The following PDZRN4 variants were observed in gnomAD, a reference collection of about 807,000 sequenced individuals.
PDZRN4 encodes the protein PDZ domain containing ring finger 4.
Under a neutral mutation model 99.0 loss-of-function variants are expected in PDZRN4, and 70 were observed. The observed-to-expected ratio is 0.71, with a 90% CI of 0.58 to 0.86. The LOEUF is 0.86. Ranked by LOEUF, PDZRN4 falls within the 40% of genes least tolerant of loss-of-function variation. PDZRN4 has a pLI of 0.00. For missense variants in PDZRN4, 1,474 were observed against 1,331.2 expected (o/e 1.11, Z -1.67); for synonymous variants, 551 against 501.6 (o/e 1.10, Z -1.32).
rs895056555 is a variant in PDZRN4 at position 41,481,257 on chromosome 12, C to CT, written c.844-25197dup. Among the ~76,000 whole-genome samples the CT allele has an allele frequency of 9.2e-5, 14 of 152,122 alleles. No individual in the cohort carries two copies. The East Asian group carries it at 1.6e-3, about 17-fold the overall frequency. On this transcript the variant is annotated intron_variant, in intron 3 of 9. Coordinates refer to ENST00000402685, the MANE Select transcript of PDZRN4 (RefSeq NM_001164595.2). ...GCTCATAGTCATCTCTGTTTTTTCT[C>CT]TTCCCAGTCTGACCACCCATAATTA...
chr12:41,380,521 A>G (rs6582335), intron 3 of PDZRN4, among the ~76,000 whole-genome samples: 84,993 of 151,162 alleles, frequency 0.56, 23,773 homozygotes, highest in Middle Eastern at 0.71. Flanking sequence ...TTTCCTTTAT[A>G]GTTAATATAT....
chr12:41,403,183 C>A (rs1306910596), intron 3 of PDZRN4, among the ~76,000 whole-genome samples: 2 of 152,090 alleles, frequency 1.3e-5, no homozygotes, highest in East Asian at 3.9e-4. Flanking sequence ...TTGTGATTCC[C>A]CCCACACATT....
intron 3 of PDZRN4, among the ~76,000 whole-genome samples, chr12:41,287,573 G>A (rs1056137185): frequency 6.6e-6 from 1 of 152,226 alleles, no homozygotes; most frequent in Admixed American, 6.5e-5. Flanking sequence ...GCAAACTGCA[G>A]AGGAAGTCAG....
At chr12:41,488,238 G>A (rs1382155543) in intron 3 of PDZRN4, among the ~76,000 whole-genome samples, 1 of 152,150 alleles carries the variant, frequency 6.6e-6, no homozygotes, top group East Asian at 1.9e-4. Flanking sequence ...ATGAAGCAGA[G>A]CATTTGTAGA....
chr12:41,217,410 C>A (rs1402387557), intron 3 of PDZRN4, among the ~76,000 whole-genome samples: 3 of 151,974 alleles, frequency 2.0e-5, no homozygotes, highest in African/African-American at 2.4e-5. Flanking sequence ...GGCTTTGCAA[C>A]CTGGTCCTGC....
At chr12:41,244,634 C>T (rs1951121626) in intron 3 of PDZRN4, among the ~76,000 whole-genome samples, 1 of 151,774 alleles carries the variant, frequency 6.6e-6, no homozygotes. Context: ...CCAGGCTTGC[C>T]CCTGGAAGGC....
chr12:41,470,930 C>A (rs975890285), intron 3 of PDZRN4, among the ~76,000 whole-genome samples: 2 of 152,112 alleles, frequency 1.3e-5, no homozygotes, highest in East Asian at 3.9e-4. Flanking sequence ...CAGCCATAGA[C>A]AATAAACAGC....
chr12:41,226,179 C>A (rs1179039977), intron 3 of PDZRN4, among the ~76,000 whole-genome samples: 1 of 151,982 alleles, frequency 6.6e-6, no homozygotes, highest in Non-Finnish European at 1.5e-5. Flanking sequence ...CTTTCCCTGG[C>A]CCATTTGCTC....
intron 3 of PDZRN4, among the ~76,000 whole-genome samples, chr12:41,379,100 T>G (rs1197072177): frequency 6.6e-6 from 1 of 152,080 alleles, no homozygotes; most frequent in Non-Finnish European, 1.5e-5. Flanking sequence ...AGGTTATATG[T>G]TTCCAGGAAT....
intron 3 of PDZRN4, among the ~76,000 whole-genome samples, chr12:41,210,742 A>T (rs73119031): frequency 0.032 from 4,804 of 152,090 alleles, 258 homozygotes; most frequent in African/African-American, 0.11. Context: ...TCCAAAATAT[A>T]ACCTGTGGTT....
intron 3 of PDZRN4, among the ~76,000 whole-genome samples, chr12:41,331,357 G>GTATATA (rs1951740346): frequency 6.6e-6 from 1 of 151,990 alleles, no homozygotes; most frequent in Non-Finnish European, 1.5e-5. Context: ...ATATGTCAAT[G>GTATATA]ACCACATAAA....
At chr12:41,441,916 A>G (rs1952683593) in intron 3 of PDZRN4, among the ~76,000 whole-genome samples, 1 of 152,032 alleles carries the variant, frequency 6.6e-6, no homozygotes, top group Non-Finnish European at 1.5e-5. Flanking sequence ...CCCAGCATCA[A>G]TTCCTGCCTT....
chr12:41,250,627 G>A (rs920035764), intron 3 of PDZRN4, among the ~76,000 whole-genome samples: 4 of 152,134 alleles, frequency 2.6e-5, no homozygotes, highest in Non-Finnish European at 4.4e-5. Flanking sequence ...GGTTTGTCAA[G>A]CTTGGCAAAT....
chr12:41,209,126 A>G (rs560470516), intron 3 of PDZRN4, among the ~76,000 whole-genome samples: 48 of 151,990 alleles, frequency 3.2e-4, no homozygotes, highest in Admixed American at 1.1e-3. Context: ...TATTTTGGAA[A>G]CAGCTGCTTG....
rs150436814 is a variant in PDZRN4, at chr12:41,354,141, C to T, written c.844-152315C>T. ...TAGACGCAACAAATATATAATTAGG[C>T]GATAGCAATATGAGATTGAGCACAG... is the stretch of plus-strand genomic sequence containing the variant. On this transcript the variant is annotated intron_variant, in intron 3 of 9. Transcript: ENST00000402685. Among the ~76,000 whole-genome samples, 479 of 152,070 alleles carry T rather than the reference C, an allele frequency of 3.1e-3. 5 individuals carry two copies. Among genetic ancestry groups the T allele is most frequent in the African/African-American group, 0.011 (452 of 41,500 alleles).
In PDZRN4 at chr12:41,450,023, T is replaced by C. The variant is rs573766264; in HGVS notation, c.844-56433T>C. On this transcript the variant is annotated intron_variant, in intron 3 of 9. Coordinates refer to ENST00000402685, the MANE Select transcript of PDZRN4 (RefSeq NM_001164595.2). ...ATGATGCCTTTGGGCTTCATAATTA[T>C]GATAGTACTAAAATGAGAATTTCTT... Among the ~76,000 whole-genome samples, 20 of 152,118 alleles carry C rather than the reference T, an allele frequency of 1.3e-4. No homozygotes were observed. In the Middle Eastern group the frequency reaches 0.02, roughly 155 times the overall value.
chr12:41,432,988 C>A (rs189841674), intron 3 of PDZRN4, among the ~76,000 whole-genome samples: 1 of 152,266 alleles, frequency 6.6e-6, no homozygotes, highest in African/African-American at 2.4e-5. Context: ...AAGTCCCAGG[C>A]ATATGAAGAT....
rs1439202072 is a variant in PDZRN4, at chr12:41,455,279, T to G, written c.844-51177T>G. Among the ~76,000 whole-genome samples, 34 of 152,138 alleles carry G rather than the reference T, an allele frequency of 2.2e-4. 1 individual carries two copies. Among genetic ancestry groups the G allele is most frequent in the Admixed American group, 2.2e-3 (34 of 15,260 alleles). ...TGGAATAGCCTACAAAGAGGAGGCTTAGAAACTAGAATACTAAAATAACTC... is the reference window on the plus strand; with the variant it reads ...TGGAATAGCCTACAAAGAGGAGGCTGAGAAACTAGAATACTAAAATAACTC... On this transcript the variant is annotated intron_variant, in intron 3 of 9. Transcript: ENST00000402685.
At chr12:41,555,202 G>A (rs1427232880) in intron 6 of PDZRN4, among the ~76,000 whole-genome samples, 1 of 127,036 alleles carries the variant, frequency 7.9e-6, no homozygotes, top group African/African-American at 3.0e-5. Flanking sequence ...CTGCACTCCA[G>A]CCTGAGCGAC....
Sources: gnomAD v4.1 joint callset for allele counts (sites outside exome capture counted in the v4.1 genomes callset) on GRCh38, gnomAD v4.1.1 for gene constraint, MANE v1.5 for transcripts, NCBI Gene and HGNC (gene_info 2026-07-23, HGNC 2026-07-21) for gene names.